The following TMEM132D variants were observed in gnomAD, a reference collection of about 807,000 sequenced individuals.
TMEM132D encodes the protein mature OL transmembrane protein.
A neutral mutation model predicts 62.3 loss-of-function variants in TMEM132D; 21 were observed. That is an observed-to-expected ratio of 0.34 (90% CI 0.24 to 0.49). The LOEUF (loss-of-function observed/expected upper bound fraction) is 0.49. TMEM132D is among the 20% of genes least tolerant of loss of function. TMEM132D has a pLI of 0.99. For missense variants in TMEM132D, 1,346 were observed against 1,402.8 expected (o/e 0.96, Z 0.65); for synonymous variants, 621 against 575.6 (o/e 1.08, Z -1.13).
intron 5 of TMEM132D, among the ~76,000 whole-genome samples, chr12:129,101,620 G>A (rs1227626494): frequency 6.6e-6 from 1 of 152,208 alleles, no homozygotes; most frequent in Non-Finnish European, 1.5e-5. Flanking sequence ...AGGTTGCTTA[G>A]TTACTAAGCT....
chr12:129,314,454 A>G (rs371110961), intron 4 of TMEM132D, among the ~76,000 whole-genome samples: 1 of 152,084 alleles, frequency 6.6e-6, no homozygotes, highest in African/African-American at 2.4e-5. Flanking sequence ...TGGGTTCTCT[A>G]TTCTGTTCCA....
intron 3 of TMEM132D, among the ~76,000 whole-genome samples, chr12:129,474,540 G>C (rs1874203841): frequency 6.6e-6 from 1 of 152,150 alleles, no homozygotes; most frequent in South Asian, 2.1e-4. Flanking sequence ...TTCTTCTGCT[G>C]GGACTAAATC....
intron 1 of TMEM132D, among the ~76,000 whole-genome samples, chr12:129,823,211 A>G (rs1026113791): frequency 1.3e-5 from 2 of 152,214 alleles, no homozygotes; most frequent in Non-Finnish European, 2.9e-5. Flanking sequence ...TGCTTCCTGT[A>G]CAACCTGCAG....
chr12:129,212,201 A>G (rs1478092129), intron 4 of TMEM132D: 1 of 152,236 alleles, frequency 6.6e-6, no homozygotes, highest in African/African-American at 2.4e-5. Flanking sequence ...TCAGGTTAAT[A>G]TAATGAGAAA....
At chr12:129,264,545 G>A (rs914742802) in intron 4 of TMEM132D, among the ~76,000 whole-genome samples, 7 of 152,162 alleles carry the variant, frequency 4.6e-5, no homozygotes, top group African/African-American at 1.7e-4. Flanking sequence ...ACTACCATTT[G>A]ATCCAGCAAA....
chr12:129,874,700 CT>C (rs71085583), intron 1 of TMEM132D, among the ~76,000 whole-genome samples: 33 of 117,892 alleles, frequency 2.8e-4, no homozygotes, highest in Admixed American at 3.9e-4. Context: ...TCACATTTTT[CT>C]TTTTTTTTTT....
intron 2 of TMEM132D, among the ~76,000 whole-genome samples, chr12:129,623,245 CT>C (rs768046533): frequency 1.4e-4 from 21 of 152,150 alleles, no homozygotes; most frequent in Non-Finnish European, 2.5e-4. Flanking sequence ...CTTTTTGTTA[CT>C]GTGTTGTTCC....
intron 1 of TMEM132D, among the ~76,000 whole-genome samples, chr12:129,820,450 C>T (rs1018465610): frequency 4.6e-5 from 7 of 152,156 alleles, no homozygotes; most frequent in South Asian, 4.2e-4. Context: ...ACTCAGCGTG[C>T]GCATCCCCTC....
At chr12:129,476,643 G>A (rs1449259572) in intron 3 of TMEM132D, among the ~76,000 whole-genome samples, 3 of 152,178 alleles carry the variant, frequency 2.0e-5, no homozygotes, top group African/African-American at 7.2e-5. Flanking sequence ...AGCCTGCCAA[G>A]TTGAAATACC....
chr12:129,690,044 T>C (rs956484732), intron 2 of TMEM132D, among the ~76,000 whole-genome samples: 2 of 152,188 alleles, frequency 1.3e-5, no homozygotes, highest in African/African-American at 4.8e-5. Context: ...TAAGCAATAA[T>C]AGTAGTGATG....
chr12:129,349,082 C>T (rs1869784076), intron 3 of TMEM132D, among the ~76,000 whole-genome samples: 1 of 152,198 alleles, frequency 6.6e-6, no homozygotes, highest in East Asian at 1.9e-4. Flanking sequence ...TTGGTTTTCT[C>T]CTGAATGCCC....
chr12:129,118,996 G>C (rs1875979298), intron 5 of TMEM132D, among the ~76,000 whole-genome samples: 1 of 152,176 alleles, frequency 6.6e-6, no homozygotes, highest in Non-Finnish European at 1.5e-5. Context: ...AGGCTTACCT[G>C]CCCCCGGAAC....
At chr12:129,342,244 C>G (rs1325777375) in intron 3 of TMEM132D, among the ~76,000 whole-genome samples, 1 of 152,112 alleles carries the variant, frequency 6.6e-6, no homozygotes, top group African/African-American at 2.4e-5. Context: ...ACCAATGGAA[C>G]AGAACAGAGC....
intron 3 of TMEM132D, among the ~76,000 whole-genome samples, chr12:129,524,911 TA>T (rs1839540452): frequency 7.5e-6 from 1 of 134,136 alleles, no homozygotes; most frequent in Admixed American, 9.2e-5. Context: ...ATTATTTTCA[TA>T]TTTTTTTCTT....
intron 2 of TMEM132D, among the ~76,000 whole-genome samples, chr12:129,563,898 T>C (rs1255068191): frequency 6.6e-6 from 1 of 152,138 alleles, no homozygotes; most frequent in African/African-American, 2.4e-5. Flanking sequence ...TACTGCATTG[T>C]GCCAGATAAA....
chr12:129,204,049 A>G (rs1332692542), intron 5 of TMEM132D, among the ~76,000 whole-genome samples: 1 of 152,212 alleles, frequency 6.6e-6, no homozygotes, highest in African/African-American at 2.4e-5. Flanking sequence ...CATCAACTTC[A>G]TATACTGAAG....
chr12:129,614,018 A>G (rs1261935172), intron 2 of TMEM132D, among the ~76,000 whole-genome samples: 2 of 151,522 alleles, frequency 1.3e-5, no homozygotes, highest in Admixed American at 1.3e-4. Flanking sequence ...CTGACTCCAG[A>G]ACCCAGGTGA....
chr12:129,874,592 TAAA>T (rs34854402), intron 1 of TMEM132D, among the ~76,000 whole-genome samples: 2 of 130,262 alleles, frequency 1.5e-5, no homozygotes, highest in African/African-American at 2.9e-5. Context: ...AAAGCTAGGT[TAAA>T]AAAAAAAAAA....
chr12:129,417,919 C>T (rs1156843805), intron 3 of TMEM132D, among the ~76,000 whole-genome samples: 2 of 152,170 alleles, frequency 1.3e-5, no homozygotes, highest in African/African-American at 2.4e-5. Flanking sequence ...CAAAAGAAGA[C>T]GTTTATGTGG....
Sources: gnomAD v4.1 joint callset for allele counts (sites outside exome capture counted in the v4.1 genomes callset) on GRCh38, gnomAD v4.1.1 for gene constraint, MANE v1.5 for transcripts, NCBI Gene and HGNC (gene_info 2026-07-23, HGNC 2026-07-21) for gene names.